The following SLC13A5 variants were observed in gnomAD, a reference collection of about 807,000 sequenced individuals.
The protein encoded by SLC13A5 is Na(+)/citrate cotransporter.
In SLC13A5, 25 loss-of-function variants were observed where a neutral mutation model predicts 56.5. That is an observed-to-expected ratio of 0.44 (90% CI 0.32 to 0.62). SLC13A5 has a LOEUF of 0.62. Ranked by LOEUF, SLC13A5 falls within the 20% of genes least tolerant of loss-of-function variation. The pLI is 0.04. For missense variants in SLC13A5, 649 were observed against 737.8 expected (o/e 0.88, Z 1.39); for synonymous variants, 307 against 301.5 (o/e 1.02, Z -0.19).
chr17:6,692,829 C>T lies in SLC13A5; in HGVS notation c.1275+215G>A, dbSNP rs983258911. 7.0e-6 allele frequency: 4 copies of T among 572,174 alleles called. No individual in the cohort carries two copies. The African/African-American group carries it at 7.5e-5, about 11-fold the overall frequency. 35.4% of individuals were successfully genotyped at this position (572,174 alleles called of 1,614,324 possible). On this transcript the variant is annotated intron_variant, in intron 9 of 11. Coordinates refer to ENST00000433363, the MANE Select transcript of SLC13A5 (RefSeq NM_177550.5). This position sits in a 1 kb window ranked among gnomAD's most constrained non-coding sequence, Gnocchi z 5.5. ...AACCACGGTCACTCATTCACTCATT[C>T]CTGCAATCGCTCAAAGGTTACTTTC...
rs1973424066 is a variant in SLC13A5, at chr17:6,692,141, A to ATGGC, written c.1275+902_1275+903insGCCA. ...GATGGATAGATGGATGGATGGATGG[A>ATGGC]TGGATGGATGGATGGATGGATGGAT... On this transcript the variant is annotated intron_variant, in intron 9 of 11. Transcript: ENST00000433363. This position sits in a 1 kb window ranked among gnomAD's most constrained non-coding sequence, Gnocchi z 5.5. Among the ~76,000 whole-genome samples, 1 of 151,406 alleles carries ATGGC rather than the reference A, an allele frequency of 6.6e-6. No individual in the cohort carries two copies. Among genetic ancestry groups the ATGGC allele is most frequent in the African/African-American group, 2.4e-5 (1 of 41,110 alleles).
Position 6,693,178 on chromosome 17 carries a change from A to ACACACACAC in SLC13A5, c.1157-17_1157-16insGTGTGTGTG. 1 of 655,690 alleles carries ACACACACAC rather than the reference A, an allele frequency of 1.5e-6. No individual in the cohort carries two copies. The highest frequency in any genetic ancestry group is 2.9e-5 in the Admixed American group (1 of 34,788). The allele number at this position is 655,690 out of a possible 1,614,324, so 40.6% of individuals were successfully genotyped here. ...GTTTTCCTTTCTGGGAAGAAAAAGA[A>ACACACACAC]ACACACACACACACACACACACACA... is the stretch of plus-strand genomic sequence containing the variant. On this transcript the variant is annotated splice_polypyrimidine_tract_variant and intron_variant, in intron 8 of 11. Transcript: ENST00000433363.
chr17:6,686,214 T>C lies in SLC13A5; in HGVS notation c.1700A>G (p.Glu567Gly), dbSNP rs1238256846. ...GTGGTCTTGTGGCTCTTCCTAAGTC[T>C]CAATATGTGTCACATTAGCCCAGTC... ...FPDWANVTHI[E>G]T is the part of the protein sequence containing the mutation. The change falls in exon 12 of 12, where the codon GAG becomes GGG. Residue 567 changes from glutamate to glycine, a missense_variant. Glu to Gly is a moderately conservative substitution (Grantham distance 98). Coordinates refer to ENST00000433363, the MANE Select transcript of SLC13A5 (RefSeq NM_177550.5). 6.2e-7 allele frequency: 1 copy of C among 1,614,096 alleles called. No homozygotes were observed. The highest frequency in any genetic ancestry group is 8.5e-7 in the Non-Finnish European group (1 of 1,180,014).
intron 6 of SLC13A5, among the ~76,000 whole-genome samples, chr17:6,698,610 A>C (rs1973622299): frequency 6.6e-6 from 1 of 152,246 alleles, no homozygotes; most frequent in South Asian, 2.1e-4. Flanking sequence ...TTCAAGTCTC[A>C]GTCCCCCTAC....
In SLC13A5 at chr17:6,711,982, C is replaced by T. The variant is rs1362576765; in HGVS notation, c.102+1250G>A. Among the ~76,000 whole-genome samples the T allele has an allele frequency of 6.6e-6, 1 of 152,122 alleles. No homozygotes were observed. Among genetic ancestry groups the T allele is most frequent in the Non-Finnish European group, 1.5e-5 (1 of 68,016 alleles). On this transcript the variant is annotated intron_variant, in intron 1 of 11. Coordinates refer to ENST00000433363, the MANE Select transcript of SLC13A5 (RefSeq NM_177550.5). The surrounding 1 kb of genome is among the most constrained non-coding windows in gnomAD (Gnocchi z 4.0). ...CCTGTGCTAGGCCCACCCAAGGGCT[C>T]CTCCCAGTCTCCCCCTCCCCCATCC...
chr17:6,687,754 G>T lies in SLC13A5; in HGVS notation c.1438-88C>A. On this transcript the variant is annotated intron_variant, in intron 10 of 11. Transcript: ENST00000433363. This position sits in a 1 kb window ranked among gnomAD's most constrained non-coding sequence, Gnocchi z 5.0. ...CTGAAAAGGATTCTCTGAATGTGCC[G>T]GGTACGTTTGAACCTCTGTGCCTCA... The T allele has an allele frequency of 6.9e-7, 1 of 1,446,146 alleles. No individual in the cohort carries two copies. Among genetic ancestry groups the T allele is most frequent in the Non-Finnish European group, 9.1e-7 (1 of 1,095,976 alleles). 89.6% of individuals were successfully genotyped at this position (1,446,146 alleles called of 1,614,324 possible).
At position 6,685,957 on chromosome 17, in the gene SLC13A5, G is replaced by T. The variant is rs1278357909; in HGVS notation, c.*250C>A. 2 of 518,368 alleles carry T rather than the reference G, an allele frequency of 3.9e-6. No homozygotes were observed. The highest frequency in any genetic ancestry group is 3.5e-5 in the East Asian group (1 of 28,756). 32.1% of individuals were successfully genotyped at this position (518,368 alleles called of 1,614,324 possible). ...CCTCCCTCACAGAGATAATGGCAAGGCTTGGGAAAGATGGGTCCAGCAGCC... is the reference window on the plus strand; with the variant it reads ...CCTCCCTCACAGAGATAATGGCAAGTCTTGGGAAAGATGGGTCCAGCAGCC... On this transcript the variant is annotated 3_prime_UTR_variant, in exon 12 of 12. Transcript: ENST00000433363. The surrounding 1 kb of genome is among the most constrained non-coding windows in gnomAD (Gnocchi z 4.2).
intron 1 of SLC13A5, among the ~76,000 whole-genome samples, chr17:6,709,003 T>TC (rs1437975228): frequency 2.0e-5 from 3 of 150,762 alleles, no homozygotes; most frequent in African/African-American, 4.9e-5. Flanking sequence ...CTTTTTTTTT[T>TC]TTTTTGAGAC....
rs577055910 is a variant in SLC13A5, at chr17:6,692,784, G to A, written c.1275+260C>T. On this transcript the variant is annotated intron_variant, in intron 9 of 11. Transcript: ENST00000433363. This position sits in a 1 kb window ranked among gnomAD's most constrained non-coding sequence, Gnocchi z 5.5. ...CAAGCCCCAGAGGGTAACTGACAGT[G>A]TCCTCTGCCTCTCTTGGCTAACCAC... The A allele has an allele frequency of 3.9e-6, 2 of 507,408 alleles. No individual in the cohort carries two copies. Among genetic ancestry groups the A allele is most frequent in the East Asian group, 7.3e-5 (2 of 27,516 alleles). 31.4% of individuals were successfully genotyped at this position (507,408 alleles called of 1,614,324 possible). A position where few individuals can be genotyped will look rare whatever the true frequency, so the allele number is the denominator to read the frequency against.
chr17:6,695,380 C>T, intron 7 of SLC13A5: 1 of 223,736 alleles, frequency 4.5e-6, no homozygotes, highest in South Asian at 6.6e-5. Context: ...GTGCACTAAG[C>T]CAGTGGTGTC....
rs200645836 is a variant in SLC13A5 at position 6,701,042 on chromosome 17, G to A, written c.801C>T (p.Phe267=). 511 of 1,614,168 alleles carry A rather than the reference G, an allele frequency of 3.2e-4. 2 individuals carry two copies. The highest frequency in any genetic ancestry group is 5.5e-4 in the African/African-American group (41 of 75,036). Reference sequence around the variant, plus strand: ...AAACAAACTGGAGCCACAGCCAGGCGAACAGCAGCATCACCAGCATGTTGG... The same window carrying A: ...AAACAAACTGGAGCCACAGCCAGGCAAACAGCAGCATCACCAGCATGTTGG... ...AFPNMLVMLL[F]AWLWLQFVYM... The change falls in exon 6 of 12, where the codon TTC becomes TTT. Residue 267 remains phenylalanine, a synonymous_variant. Coordinates refer to ENST00000433363, the MANE Select transcript of SLC13A5 (RefSeq NM_177550.5). This position sits in a 1 kb window ranked among gnomAD's most constrained non-coding sequence, Gnocchi z 4.1.
rs200900896 is a variant in SLC13A5 at position 6,693,178 on chromosome 17, A to AACACACAC, written c.1157-24_1157-17dup. The AACACACAC allele has an allele frequency of 0.011, 7,745 of 696,000 alleles. 57 individuals carry two copies. The highest frequency in any genetic ancestry group is 0.025 in the East Asian group (697 of 28,382). The allele number at this position is 696,000 out of a possible 1,614,324, so 43.1% of individuals were successfully genotyped here. A position where few individuals can be genotyped will look rare whatever the true frequency, so the allele number is the denominator to read the frequency against. ...GTTTTCCTTTCTGGGAAGAAAAAGA[A>AACACACAC]ACACACACACACACACACACACACA... On this transcript the variant is annotated splice_polypyrimidine_tract_variant and intron_variant, in intron 8 of 11. Coordinates refer to ENST00000433363, the MANE Select transcript of SLC13A5 (RefSeq NM_177550.5).
Position 6,692,287 on chromosome 17 carries a change from G to A in SLC13A5, c.1275+757C>T, listed in dbSNP as rs1023486128. 6.6e-5 allele frequency among the ~76,000 whole-genome samples: 10 copies of A among 151,284 alleles called. No homozygotes were observed. The highest frequency in any genetic ancestry group is 1.9e-4 in the East Asian group (1 of 5,184). On this transcript the variant is annotated intron_variant, in intron 9 of 11. Coordinates refer to ENST00000433363, the MANE Select transcript of SLC13A5 (RefSeq NM_177550.5). This position sits in a 1 kb window ranked among gnomAD's most constrained non-coding sequence, Gnocchi z 5.5. ...TGGATGGATGGATGGACGGATGGAC[G>A]GACGGATGGATGGATGAAGACATGA... is the stretch of plus-strand genomic sequence containing the variant.
intron 6 of SLC13A5, 83 bp downstream of exon 6, chr17:6,700,921 A>C: frequency 6.3e-7 from 1 of 1,588,042 alleles, no homozygotes; most frequent in Non-Finnish European, 8.6e-7. Flanking sequence ...GGACTTTGTA[A>C]ACCTGCCTAT....
intron 6 of SLC13A5, among the ~76,000 whole-genome samples, chr17:6,698,413 C>A (rs1326572979): frequency 6.6e-6 from 1 of 152,220 alleles, no homozygotes; most frequent in Non-Finnish European, 1.5e-5. Flanking sequence ...GCTGATGGTG[C>A]CCTTGCGGCC....
In SLC13A5 at chr17:6,692,270, T is replaced by C. The variant is rs1049741868; in HGVS notation, c.1275+774A>G. Among the ~76,000 whole-genome samples the C allele has an allele frequency of 6.9e-6, 1 of 145,446 alleles. No individual in the cohort carries two copies. Among genetic ancestry groups the C allele is most frequent in the Non-Finnish European group, 1.5e-5 (1 of 67,734 alleles). The stretch of plus-strand genomic sequence containing the variant: ...ATGGATGGATGGATGGATGGATGGA[T>C]GGATGGACGGATGGACGGACGGATG... On this transcript the variant is annotated intron_variant, in intron 9 of 11. Coordinates refer to ENST00000433363, the MANE Select transcript of SLC13A5 (RefSeq NM_177550.5). The surrounding 1 kb of genome is among the most constrained non-coding windows in gnomAD (Gnocchi z 5.5).
At position 6,685,590 on chromosome 17, in the gene SLC13A5, CA is replaced by C; in HGVS notation, c.*616del. 1 of 153,944 alleles carries C rather than the reference CA, an allele frequency of 6.5e-6. No individual in the cohort carries two copies. Among genetic ancestry groups the C allele is most frequent in the Admixed American group, 6.4e-5 (1 of 15,682 alleles). 9.5% of individuals were successfully genotyped at this position (153,944 alleles called of 1,614,324 possible). On this transcript the variant is annotated 3_prime_UTR_variant, in exon 12 of 12. Transcript: ENST00000433363. The surrounding 1 kb of genome is among the most constrained non-coding windows in gnomAD (Gnocchi z 4.2). The stretch of plus-strand genomic sequence containing the variant: ...AGGTGTCGTCCTGAAGTTGGCAACT[CA>C]GATTCCTCATCCTTTGGTGGTGGCC...
rs916965478 is a variant in SLC13A5 at position 6,687,736 on chromosome 17, G to A, written c.1438-70C>T. ...GCTCTTGGGGACGTGATTCTGAAAA[G>A]GATTCTCTGAATGTGCCGGGTACGT... is the stretch of plus-strand genomic sequence containing the variant. On this transcript the variant is annotated intron_variant, in intron 10 of 11. Coordinates refer to ENST00000433363, the MANE Select transcript of SLC13A5 (RefSeq NM_177550.5). This position sits in a 1 kb window ranked among gnomAD's most constrained non-coding sequence, Gnocchi z 5.0. 1 of 1,485,590 alleles carries A rather than the reference G, an allele frequency of 6.7e-7. No homozygotes were observed. Among genetic ancestry groups the A allele is most frequent in the Non-Finnish European group, 8.9e-7 (1 of 1,119,444 alleles). 92.0% of individuals were successfully genotyped at this position (1,485,590 alleles called of 1,614,324 possible).
At chr17:6,690,625 A>C (rs947414469) in intron 10 of SLC13A5, among the ~76,000 whole-genome samples, 154 bp downstream of exon 10, 4 of 152,238 alleles carry the variant, frequency 2.6e-5, no homozygotes, top group African/African-American at 9.6e-5. Context: ...GGGCAGAGGC[A>C]TCCAGGGTCC....
Sources: gnomAD v4.1 joint callset for allele counts (sites outside exome capture counted in the v4.1 genomes callset) on GRCh38, gnomAD v4.1.1 for gene constraint, Gnocchi (gnomAD v3.1) non-coding constraint, MANE v1.5 for transcripts, NCBI Gene and HGNC (gene_info 2026-07-23, HGNC 2026-07-21) for gene names.